DNAH8: variants seen among roughly 807,000 people sequenced by gnomAD.
The protein encoded by DNAH8 is dynein axonemal heavy chain 8, also known as axonemal beta dynein heavy chain 8.
A neutral mutation model predicts 562.1 loss-of-function variants in DNAH8; 382 were observed. The observed-to-expected ratio is 0.68, with a 90% confidence interval of 0.63 to 0.74. The LOEUF is 0.74. Ranked by LOEUF, DNAH8 falls within the 30% of genes least tolerant of loss-of-function variation. The pLI is 0.00. For synonymous variants in DNAH8, 1,881 were observed against 1,919.4 expected (o/e 0.98, Z 0.52); for missense variants, 5,203 against 5,620.4 (o/e 0.93, Z 2.37).
At chr6:38,733,280 T>TG (rs1763803679) in intron 4 of DNAH8, among the ~76,000 whole-genome samples, 2 of 151,856 alleles carry the variant, frequency 1.3e-5, no homozygotes, top group Admixed American at 6.6e-5. Context: ...TGTGACCAAC[T>TG]ATCTAACATA....
At chr6:38,946,515 A>G (rs1044446069) in intron 80 of DNAH8, among the ~76,000 whole-genome samples, 4 of 152,242 alleles carry the variant, frequency 2.6e-5, no homozygotes, top group African/African-American at 7.2e-5. Flanking sequence ...GCTTGGAAAA[A>G]GAAAGTGATC....
At chr6:38,795,376 G>A (rs956950450) in intron 21 of DNAH8, among the ~76,000 whole-genome samples, 4 of 152,114 alleles carry the variant, frequency 2.6e-5, no homozygotes, top group Non-Finnish European at 4.4e-5. Context: ...TCAGGAGATC[G>A]AGACCATCCT....
chr6:38,893,337 A>G (rs1158720887), intron 58 of DNAH8, among the ~76,000 whole-genome samples: 1 of 152,228 alleles, frequency 6.6e-6, no homozygotes, highest in Non-Finnish European at 1.5e-5. Context: ...AGCAGTTCAG[A>G]AAAGAAAGAA....
intron 88 of DNAH8, among the ~76,000 whole-genome samples, chr6:38,993,975 A>G (rs1764962725): frequency 6.6e-6 from 1 of 152,158 alleles, no homozygotes; most frequent in African/African-American, 2.4e-5. Flanking sequence ...GATTTAGCGA[A>G]TATTGTCAAA....
At chr6:38,987,456 C>T (rs1764479479) in intron 87 of DNAH8, among the ~76,000 whole-genome samples, 1 of 152,188 alleles carries the variant, frequency 6.6e-6, no homozygotes. Flanking sequence ...GCACAGGGTT[C>T]CATATCCAGG....
rs200355671 is a variant in DNAH8 at position 38,805,491 on chromosome 6, A to C, written c.3045A>C (p.Lys1015Asn). ...GTCTTTTGTCTATAGAACAGCGGAAACACGTTGTTTTTGGAAGTGAAACAG... is the reference window on the plus strand; with the variant it reads ...GTCTTTTGTCTATAGAACAGCGGAACCACGTTGTTTTTGGAAGTGAAACAG... ...GKVGKQSEQR[K>N]HVVFGSETGE... Residue 1015 changes from lysine to asparagine, a missense_variant, in exon 23 of 93, where the codon AAA (lysine) becomes AAC (asparagine). By Grantham distance (94) the Lys-to-Asn change is moderately conservative. Transcript: ENST00000327475. 4.6e-5 allele frequency: 73 copies of C among 1,604,254 alleles called. No individual in the cohort carries two copies. The highest frequency in any genetic ancestry group is 3.8e-5 in the Non-Finnish European group (45 of 1,171,486).
In DNAH8 at chr6:39,026,636, A is replaced by T; in HGVS notation, c.13805A>T (p.Gln4602Leu). 1 of 1,613,718 alleles carries T rather than the reference A, an allele frequency of 6.2e-7. No homozygotes were observed. Among genetic ancestry groups the T allele is most frequent in the Non-Finnish European group, 8.5e-7 (1 of 1,179,986 alleles). Residue 4602 changes from glutamine to leucine, a missense_variant, in exon 92 of 93, where the codon CAG (glutamine) becomes CTG (leucine). Around this residue, in one of 6 missense-constraint regions of DNAH8, gnomAD observed 1,399 missense variants for 1,518.4 expected, o/e 0.92. Transcript: ENST00000327475. ...TVTIHNEVLR[Q>L]TKEEITSPPG... ...ACCATCCACAATGAAGTTCTGAGAC[A>T]GACCAAGGAGGAGATCACGTCACCC...
intron 11 of DNAH8, among the ~76,000 whole-genome samples, chr6:38,769,047 T>C (rs1218400580): frequency 6.6e-6 from 1 of 152,246 alleles, no homozygotes; most frequent in Non-Finnish European, 1.5e-5. Flanking sequence ...GAATTAGAAA[T>C]GGGAACTTGG....
At chr6:38,753,438 A>G (rs1349564561) in intron 9 of DNAH8, among the ~76,000 whole-genome samples, 4 of 152,222 alleles carry the variant, frequency 2.6e-5, no homozygotes, top group South Asian at 2.1e-4. Flanking sequence ...TGAAATACAC[A>G]TAATACCTAA....
rs1287947453 is a variant in DNAH8, at chr6:38,915,339, G to C, written c.10102G>C (p.Ala3368Pro). Reference sequence around the variant, plus strand: ...GAAAGCTGAAAGCAAGCTTGAGGCAGCTAAACCTGCACTGGAAGAAGCAGA... The same window carrying C: ...GAAAGCTGAAAGCAAGCTTGAGGCACCTAAACCTGCACTGGAAGAAGCAGA... ...KVKAESKLEA[A>P]KPALEEAEAA... is the part of the protein sequence containing the mutation. Residue 3368 changes from alanine (A) to proline (P), a missense_variant, in exon 68 of 93, where the codon GCT becomes CCT. By Grantham distance (27) the Ala-to-Pro change is conservative (BLOSUM62 -1). Transcript: ENST00000327475. 4 of 1,607,002 alleles carry C rather than the reference G, an allele frequency of 2.5e-6. No individual in the cohort carries two copies. Among genetic ancestry groups the C allele is most frequent in the Middle Eastern group, 3.3e-4 (2 of 6,068 alleles).
At chr6:38,817,175 T>C (rs1432781787) in intron 26 of DNAH8, among the ~76,000 whole-genome samples, 1 of 152,084 alleles carries the variant, frequency 6.6e-6, no homozygotes, top group Non-Finnish European at 1.5e-5. Flanking sequence ...AAACACTGTC[T>C]CTACTGAAAA....
intron 10 of DNAH8, among the ~76,000 whole-genome samples, chr6:38,757,924 C>A (rs543592338): frequency 1.4e-3 from 207 of 152,232 alleles, no homozygotes; most frequent in Non-Finnish European, 1.0e-3. Flanking sequence ...GTTACTGTAG[C>A]CTTGTAGTAT....
chr6:38,805,608 G>A lies in DNAH8; in HGVS notation c.3150+12G>A. 1 of 1,403,972 alleles carries A rather than the reference G, an allele frequency of 7.1e-7. No individual in the cohort carries two copies. The highest frequency in any genetic ancestry group is 1.0e-6 in the Non-Finnish European group (1 of 991,918). 87.0% of individuals were successfully genotyped at this position (1,403,972 alleles called of 1,614,324 possible). A position where few individuals can be genotyped will look rare whatever the true frequency, so the allele number is the denominator to read the frequency against. On this transcript the variant is annotated intron_variant, in intron 23 of 92. Coordinates refer to ENST00000327475, the MANE Select transcript of DNAH8 (RefSeq NM_001206927.2). ...ATGAATTTAAAAAGGTATTTATTGT[G>A]GAACAACTTCATGCAATTCACAGAA...
rs116196609 is a variant in DNAH8, at chr6:38,940,792, G to A, written c.12007+1804G>A. Reference sequence around the variant, plus strand: ...GTGACCAGCTCTTATGACTACAGACGTGAAATTTGAGCTATCCAGAAAACA... The same window carrying A: ...GTGACCAGCTCTTATGACTACAGACATGAAATTTGAGCTATCCAGAAAACA... On this transcript the variant is annotated intron_variant, in intron 79 of 92. Transcript: ENST00000327475. Among the ~76,000 whole-genome samples the A allele has an allele frequency of 6.5e-3, 993 of 152,254 alleles. 7 individuals are homozygous for A. The highest frequency in any genetic ancestry group is 0.041 in the Middle Eastern group (12 of 294).
chr6:38,723,602 C>A, intron 3 of DNAH8, 131 bp downstream of exon 3: 1 of 1,199,052 alleles, frequency 8.3e-7, no homozygotes, highest in Non-Finnish European at 1.2e-6. Flanking sequence ...GGGCAGGGCA[C>A]AGTGGCTCAT....
intron 10 of DNAH8, among the ~76,000 whole-genome samples, chr6:38,761,313 A>G (rs1766487422): frequency 8.4e-6 from 1 of 119,584 alleles, no homozygotes; most frequent in Non-Finnish European, 1.6e-5. Context: ...TCCTGTGTCC[A>G]TGTGTTCTCA....
chr6:38,970,786 T>C (rs1763283446), intron 82 of DNAH8, among the ~76,000 whole-genome samples: 1 of 152,154 alleles, frequency 6.6e-6, no homozygotes, highest in African/African-American at 2.4e-5. Context: ...AAAATTTGGG[T>C]CCACAAGGGC....
rs552188156 is a variant in DNAH8, at chr6:39,010,780, T to TATATAC, written c.13372-1434_13372-1433insTATACA. The stretch of plus-strand genomic sequence containing the variant: ...TAGATATAATTTATATATATATATA[T>TATATAC]ACACACACACGCACGTGTACGCACA... On this transcript the variant is annotated intron_variant, in intron 89 of 92. Transcript: ENST00000327475. 2.8e-5 allele frequency among the ~76,000 whole-genome samples: 4 copies of TATATAC among 144,994 alleles called. 1 individual carries two copies. Among genetic ancestry groups the TATATAC allele is most frequent in the Admixed American group, 2.1e-4 (3 of 14,540 alleles).
intron 85 of DNAH8, among the ~76,000 whole-genome samples, chr6:38,980,768 A>G (rs762777130): frequency 1.1e-4 from 17 of 149,774 alleles, no homozygotes; most frequent in East Asian, 4.1e-4. Context: ...TATTATTATT[A>G]TTGTTGCTCT....
Sources: allele counts gnomAD v4.1 joint callset (sites outside exome capture counted in the v4.1 genomes callset), GRCh38; gene constraint gnomAD v4.1.1; regional missense constraint gnomAD v4.1.1; transcripts MANE v1.5; gene names NCBI Gene and HGNC (gene_info 2026-07-23, HGNC 2026-07-21).